The following LIN54 variants were observed in gnomAD, a reference collection of about 807,000 sequenced individuals.
LIN54 encodes the protein lin-54 DREAM MuvB core complex component.
In LIN54, 9 loss-of-function variants were observed where a neutral mutation model predicts 78.7. The ratio of observed to expected loss-of-function variants is 0.11; its 90% CI spans 0.07 to 0.20. The LOEUF is 0.20. LIN54 is among the 10% of genes least tolerant of loss of function. LIN54 has a pLI of 1.00. For missense variants in LIN54, 573 were observed against 889.9 expected (o/e 0.64, Z 4.53); for synonymous variants, 269 against 318.4 (o/e 0.84, Z 1.65).
Position 82,989,465 on chromosome 4 carries a change from A to G in LIN54, c.-32-4589T>C, listed in dbSNP as rs1226892278. On this transcript the variant is annotated intron_variant, in intron 1 of 12. Transcript: ENST00000340417. Reference sequence around the variant, plus strand: ...TATACAACAAAGGGCTCCACTCACAATGTCACACTAGCTTTCTTCCCCAAA... The same window carrying G: ...TATACAACAAAGGGCTCCACTCACAGTGTCACACTAGCTTTCTTCCCCAAA... Among the ~76,000 whole-genome samples the G allele has an allele frequency of 2.6e-5, 4 of 152,286 alleles. No homozygotes were observed. In the East Asian group the frequency reaches 7.7e-4, roughly 29 times the overall value.
chr4:82,951,397 G>A (rs934234884), intron 4 of LIN54, among the ~76,000 whole-genome samples: 1 of 152,154 alleles, frequency 6.6e-6, no homozygotes, highest in Non-Finnish European at 1.5e-5. Flanking sequence ...TATATGTGGT[G>A]TATTAGTATC....
At chr4:82,999,743 A>G (rs1460282075) in intron 1 of LIN54, among the ~76,000 whole-genome samples, 2 of 137,342 alleles carry the variant, frequency 1.5e-5, no homozygotes, top group African/African-American at 5.5e-5. Flanking sequence ...GCACCACTGC[A>G]CTCCAGCCTA....
chr4:83,010,430 C>CCCCCCAAAA, intron 1 of LIN54, 54 bp downstream of exon 1: 3 of 577,000 alleles, frequency 5.2e-6, no homozygotes, highest in Non-Finnish European at 6.7e-6. Context: ...CCCATCCCCC[C>CCCCCCAAAA]AAATAAAGAG....
At chr4:82,986,020 AG>A (rs1440608587) in intron 1 of LIN54, among the ~76,000 whole-genome samples, 1 of 152,258 alleles carries the variant, frequency 6.6e-6, no homozygotes, top group African/African-American at 2.4e-5. Flanking sequence ...CATGTATAAA[AG>A]ACAGCACATC....
intron 5 of LIN54, among the ~76,000 whole-genome samples, chr4:82,943,799 A>G (rs1475331496): frequency 1.3e-5 from 2 of 151,560 alleles, no homozygotes; most frequent in Non-Finnish European, 2.9e-5. Flanking sequence ...GGAGAAAAAG[A>G]GAAGTAGAGA....
At chr4:82,968,798 T>C (rs568050783) in intron 4 of LIN54, among the ~76,000 whole-genome samples, 3 of 152,160 alleles carry the variant, frequency 2.0e-5, no homozygotes, top group South Asian at 2.1e-4. Flanking sequence ...TCTCTCATAA[T>C]GCCACAAGAT....
Position 82,946,455 on chromosome 4 carries a change from T to C in LIN54, c.971A>G (p.Gln324Arg), listed in dbSNP as rs1723370064. The C allele has an allele frequency of 2.5e-6, 4 of 1,613,234 alleles. No homozygotes were observed. In the Admixed American group the frequency reaches 5.0e-5, roughly 20 times the overall value. ...SPNKAVKSTV[Q>R]TITVGGVSTS... ...GCTCACTCCTCCAACAGTGATGGTC[T>C]GCACAGTTGATTTCACTGCCTATTA... Residue 324 changes from glutamine (Q) to arginine (R), a missense_variant, in exon 5 of 13, where the codon CAG becomes CGG. Physicochemically the swap from Gln to Arg is conservative, Grantham distance 43 (BLOSUM62 1). This residue lies in a region of LIN54 where 199 missense variants were observed against 260.9 expected (regional missense o/e 0.76). Transcript: ENST00000340417.
rs373173459 is a variant in LIN54, at chr4:82,936,059, T to G, written c.1767A>C (p.Gly589=). The G allele has an allele frequency of 6.2e-7, 1 of 1,613,836 alleles. No homozygotes were observed. Among genetic ancestry groups the G allele is most frequent in the African/African-American group, 1.3e-5 (1 of 74,928 alleles). Residue 589 remains glycine (G), a synonymous_variant, in exon 11 of 13, where the codon GGA becomes GGC. Transcript: ENST00000340417. The part of the protein sequence containing the change: ...FKPKIGKGKE[G]ESDRRHSKGC... ...CTTTGCTATGACGTCGATCAGATTC[T>G]CCCTCCTTTCCTTTCCCTATCTTAG...
chr4:83,003,216 T>C (rs1404961765), intron 1 of LIN54, among the ~76,000 whole-genome samples: 1 of 152,178 alleles, frequency 6.6e-6, no homozygotes, highest in Non-Finnish European at 1.5e-5. Flanking sequence ...GGTTTCACCA[T>C]GTTGGCCAGG....
Position 82,931,074 on chromosome 4 carries a change from C to T in LIN54, c.1917G>A (p.Lys639=). 1 of 1,614,202 alleles carries T rather than the reference C, an allele frequency of 6.2e-7. No individual in the cohort carries two copies. ...CKNFEESPER[K]TLMHLADAAE... is the part of the protein sequence containing the mutation. The stretch of plus-strand genomic sequence containing the variant: ...CTGCATCTGCCAAATGCATCAATGT[C>T]TTCCTTTCCGGGCTTTCTTCAAAAT... The change falls in exon 12 of 13, where the codon AAG becomes AAA. Residue 639 remains lysine, a synonymous_variant. Transcript: ENST00000340417.
chr4:82,991,551 A>T (rs1185675545), intron 1 of LIN54, among the ~76,000 whole-genome samples: 3 of 152,170 alleles, frequency 2.0e-5, no homozygotes, highest in African/African-American at 4.8e-5. Context: ...TAGGACCTCC[A>T]GGAAAATGTT....
At position 82,931,134 on chromosome 4, in the gene LIN54, C is replaced by T. The variant is rs375103636; in HGVS notation, c.1857G>A (p.Met619Ile). Residue 619 changes from methionine to isoleucine, a missense_variant, in exon 12 of 13, where the codon ATG becomes ATA. Physicochemically the swap from Met to Ile is conservative, Grantham distance 10. Around this residue, in one of 6 missense-constraint regions of LIN54, gnomAD observed 5 missense variants for 45.8 expected, o/e 0.11. Coordinates refer to ENST00000340417, the MANE Select transcript of LIN54 (RefSeq NM_194282.4). ...NYCECYEAKIMCSSICKCIGC... is the reference protein window; with the variant it reads ...NYCECYEAKIICSSICKCIGC... Reference sequence around the variant, plus strand: ...CAATACATTTGCATATTGAGGAACACATTATTTTTGCCTAAAAGATTTACA... The same window carrying T: ...CAATACATTTGCATATTGAGGAACATATTATTTTTGCCTAAAAGATTTACA... 4.6e-5 allele frequency: 74 copies of T among 1,613,784 alleles called. No homozygotes were observed. Among genetic ancestry groups the T allele is most frequent in the Non-Finnish European group, 6.1e-5 (72 of 1,179,868 alleles).
intron 4 of LIN54, among the ~76,000 whole-genome samples, chr4:82,948,688 T>G (rs1723603989): frequency 6.6e-6 from 1 of 152,182 alleles, no homozygotes; most frequent in Non-Finnish European, 1.5e-5. Flanking sequence ...TCCTCTCACC[T>G]AGTTCCTCTG....
At chr4:82,941,299 G>C (rs74793093) in intron 5 of LIN54, among the ~76,000 whole-genome samples, 108 of 151,920 alleles carry the variant, frequency 7.1e-4, no homozygotes, top group Non-Finnish European at 1.1e-3. Flanking sequence ...ACACAAAGAC[G>C]GAAGCATGAG....
chr4:82,958,741 TGCCCGTGCTGGAAGGCAGCGGC>T (rs1208861571), intron 4 of LIN54, among the ~76,000 whole-genome samples: 1 of 152,196 alleles, frequency 6.6e-6, no homozygotes, highest in Non-Finnish European at 1.5e-5. Context: ...CTGGCTCCAC[TGCCCGTGCTGGAAGGCAGCGGC>T]GCAATCTCGG....
chr4:82,970,374 G>A lies in LIN54; in HGVS notation c.904C>T (p.Gln302Ter). ...VIGSTLNSTT[Q>*]TPNKIAISPL... ...GAGATGGCTATTTTATTTGGTGTCT[G>A]TGTTGTAGAATTTAAAGTTGATCCA... is the stretch of plus-strand genomic sequence containing the variant. The change falls in exon 4 of 13, where the codon CAG becomes TAG. Residue 302 changes from glutamine to a stop codon, truncating the protein, a stop_gained. Transcript: ENST00000340417. LOFTEE classifies it high-confidence loss of function. 6.2e-7 allele frequency: 1 copy of A among 1,613,120 alleles called. No homozygotes were observed. Among genetic ancestry groups the A allele is most frequent in the Non-Finnish European group, 8.5e-7 (1 of 1,179,514 alleles).
intron 1 of LIN54, among the ~76,000 whole-genome samples, chr4:82,986,702 C>CAAA (rs70943178): frequency 3.5e-4 from 24 of 68,694 alleles, no homozygotes; most frequent in African/African-American, 8.6e-4. Flanking sequence ...GACCCCATCT[C>CAAA]AAAAAAAAAA....
At chr4:82,965,446 A>G (rs1365158477) in intron 4 of LIN54, among the ~76,000 whole-genome samples, 1 of 152,168 alleles carries the variant, frequency 6.6e-6, no homozygotes, top group Admixed American at 6.5e-5. Context: ...TGTAATGAGA[A>G]TAATCATGGG....
At chr4:82,988,907 GGCC>G in intron 1 of LIN54, among the ~76,000 whole-genome samples, 1 of 152,104 alleles carries the variant, frequency 6.6e-6, no homozygotes, top group Middle Eastern at 3.4e-3. Context: ...TACTGGGTTT[GGCC>G]GGGCGCGGTG....
Sources: gnomAD v4.1 joint callset for allele counts (sites outside exome capture counted in the v4.1 genomes callset) on GRCh38, gnomAD v4.1.1 for gene constraint, gnomAD v4.1.1 regional missense constraint, MANE v1.5 for transcripts, NCBI Gene and HGNC (gene_info 2026-07-23, HGNC 2026-07-21) for gene names.